Variants in RELN observed in about 807,000 individuals in gnomAD.
RELN encodes reelin.
In RELN, 108 loss-of-function variants were observed where a neutral mutation model predicts 427.6. The ratio of observed to expected loss-of-function variants is 0.25; its 90% confidence interval spans 0.22 to 0.30. The LOEUF (loss-of-function observed/expected upper bound fraction) is 0.30, where lower values mean the gene tolerates loss of function less well. RELN is among the 10% of genes least tolerant of loss of function. The pLI, the probability that RELN is intolerant of heterozygous loss-of-function variation, is 1.00. For synonymous variants in RELN, 1,524 were observed against 1,513.4 expected (o/e 1.01, Z -0.16); for missense variants, 3,715 against 4,302.8 (o/e 0.86, Z 3.82).
intron 5 of RELN, among the ~76,000 whole-genome samples, chr7:103,750,224 T>C (rs886233520): frequency 6.6e-6 from 1 of 152,188 alleles, no homozygotes; most frequent in African/African-American, 2.4e-5. Flanking sequence ...GTGATCCACC[T>C]GCCTCGATCT....
At position 103,912,007 on chromosome 7, in the gene RELN, A is replaced by T. The variant is rs112184092; in HGVS notation, c.337+5068T>A. 3.0e-3 allele frequency among the ~76,000 whole-genome samples: 463 copies of T among 151,986 alleles called. 4 individuals carry two copies. The highest frequency in any genetic ancestry group is 0.011 in the African/African-American group (437 of 41,448). On this transcript the variant is annotated intron_variant, in intron 2 of 64. Transcript: ENST00000428762. ...TACCCTAAAACTTAAAGTATAATTA[A>T]AAAAAAAATTTCCAATACTATATTT...
intron 4 of RELN, among the ~76,000 whole-genome samples, chr7:103,766,056 A>G (rs1056512807): frequency 6.6e-6 from 1 of 152,148 alleles, no homozygotes; most frequent in Non-Finnish European, 1.5e-5. Flanking sequence ...CAGATCACTT[A>G]AGGATACTTT....
chr7:103,486,074 C>T (rs2116986031), intron 61 of RELN, 123 bp downstream of exon 61: 1 of 885,940 alleles, frequency 1.1e-6, no homozygotes, highest in Admixed American at 1.9e-5. Context: ...ATTCAAATGA[C>T]AGGTTTTCAC....
intron 2 of RELN, among the ~76,000 whole-genome samples, chr7:103,906,951 C>G (rs952648619): frequency 3.3e-5 from 5 of 152,116 alleles, no homozygotes; most frequent in Non-Finnish European, 7.4e-5. Flanking sequence ...CCTCCTTAAA[C>G]TATTTTTTCC....
rs1472166994 is a variant in RELN, at chr7:103,743,179, G to A, written c.656+6247C>T. ...GCCAAACTAAGCTTCATAAGTGAAG[G>A]AGAAATAAAATACTTTACAGACAAG... On this transcript the variant is annotated intron_variant, in intron 6 of 64. Transcript: ENST00000428762. Among the ~76,000 whole-genome samples, 4 of 151,944 alleles carry A rather than the reference G, an allele frequency of 2.6e-5. No individual in the cohort carries two copies. The East Asian group carries it at 7.7e-4, about 29-fold the overall frequency.
At chr7:103,881,087 T>A (rs529149204) in intron 2 of RELN, among the ~76,000 whole-genome samples, 2 of 152,246 alleles carry the variant, frequency 1.3e-5, no homozygotes, top group African/African-American at 2.4e-5. Context: ...CTCTCCACCC[T>A]CATCTTACTG....
intron 2 of RELN, among the ~76,000 whole-genome samples, chr7:103,899,334 G>A (rs58098888): frequency 6.6e-6 from 1 of 151,660 alleles, no homozygotes; most frequent in Non-Finnish European, 1.5e-5. Flanking sequence ...CAGGACCAGA[G>A]AGATTCACAG....
At chr7:103,887,433 G>A (rs10257331) in intron 2 of RELN, among the ~76,000 whole-genome samples, 40,391 of 152,120 alleles carry the variant, frequency 0.27, 6,044 homozygotes, top group African/African-American at 0.4. Context: ...AGAAGAGAGG[G>A]AAGTTTGCAT....
chr7:103,591,880 T>C (rs929931531), intron 27 of RELN, among the ~76,000 whole-genome samples: 1 of 152,204 alleles, frequency 6.6e-6, no homozygotes, highest in African/African-American at 2.4e-5. Flanking sequence ...AAATATTTAT[T>C]TGTGTACCTT....
Position 103,497,888 on chromosome 7 carries a change from T to G in RELN, c.8882A>C (p.Asn2961Thr), listed in dbSNP as rs778198274. ...QYWGRIGSEN[N>T]MTSCHRPICR... is the part of the protein sequence containing the mutation. ...GATGGGACGATGGCAAGAGGTCATG[T>G]TGTTCTCACTACCGATGCGCCCCCA... Residue 2961 changes from asparagine to threonine, a missense_variant, in exon 55 of 65, where the codon AAC becomes ACC. Around this residue, in one of 4 missense-constraint regions of RELN, gnomAD observed 1,310 missense variants for 1,643.0 expected, o/e 0.80. Coordinates refer to ENST00000428762, the MANE Select transcript of RELN (RefSeq NM_005045.4). The G allele has an allele frequency of 6.2e-7, 1 of 1,614,024 alleles. No individual in the cohort carries two copies. The highest frequency in any genetic ancestry group is 1.3e-5 in the African/African-American group (1 of 74,922).
chr7:103,891,812 T>A (rs1794855883), intron 2 of RELN, among the ~76,000 whole-genome samples: 1 of 152,180 alleles, frequency 6.6e-6, no homozygotes, highest in African/African-American at 2.4e-5. Context: ...TTCTCTTAAA[T>A]TCCATTCCTA....
chr7:103,733,218 TG>T (rs1206726826), intron 6 of RELN, among the ~76,000 whole-genome samples: 8 of 151,834 alleles, frequency 5.3e-5, no homozygotes, highest in Admixed American at 4.6e-4. Context: ...ATCAGAGAAA[TG>T]CAAATCAAAA....
intron 1 of RELN, among the ~76,000 whole-genome samples, chr7:103,921,130 C>T (rs554157007): frequency 7.5e-4 from 114 of 152,232 alleles, no homozygotes; most frequent in African/African-American, 2.6e-3. Context: ...ACTAGACGGG[C>T]AGAGATATTT....
intron 51 of RELN, among the ~76,000 whole-genome samples, chr7:103,505,975 G>A (rs370460035): frequency 1.1e-4 from 16 of 152,124 alleles, no homozygotes; most frequent in African/African-American, 3.9e-4. Flanking sequence ...TCGATCAAGT[G>A]GAGGAAAGAA....
chr7:103,926,387 C>T (rs1795736588), intron 1 of RELN, among the ~76,000 whole-genome samples: 1 of 152,046 alleles, frequency 6.6e-6, no homozygotes. Context: ...AGCCACTGCA[C>T]CTGGCCAGCT....
At chr7:103,915,688 C>T (rs936604515) in intron 2 of RELN, among the ~76,000 whole-genome samples, 4 of 152,114 alleles carry the variant, frequency 2.6e-5, no homozygotes, top group African/African-American at 7.2e-5. Context: ...TTTAATTGGA[C>T]TAGGCTGGAT....
At chr7:103,534,794 T>C (rs1047081086) in intron 46 of RELN, among the ~76,000 whole-genome samples, 4 of 152,100 alleles carry the variant, frequency 2.6e-5, no homozygotes, top group African/African-American at 9.7e-5. Flanking sequence ...GAATGAAAGG[T>C]TTTTCACATA....
intron 8 of RELN, among the ~76,000 whole-genome samples, chr7:103,717,837 T>C (rs1212580966): frequency 6.6e-6 from 1 of 152,120 alleles, no homozygotes; most frequent in East Asian, 1.9e-4. Context: ...GTGGAGGAAA[T>C]GAGCAACAAT....
At chr7:103,830,864 T>C (rs1237868124) in intron 3 of RELN, among the ~76,000 whole-genome samples, 1 of 152,080 alleles carries the variant, frequency 6.6e-6, no homozygotes, top group Non-Finnish European at 1.5e-5. Context: ...GACTTAACCA[T>C]TTGTCAAGAA....
Sources: allele counts gnomAD v4.1 joint callset (sites outside exome capture counted in the v4.1 genomes callset), GRCh38; gene constraint gnomAD v4.1.1; regional missense constraint gnomAD v4.1.1; transcripts MANE v1.5; gene names NCBI Gene and HGNC (gene_info 2026-07-23, HGNC 2026-07-21).